Variants in SLC23A2 observed in about 807,000 individuals in gnomAD.
SLC23A2 encodes the protein solute carrier family 23 member 2.
SLC23A2 carries 36 observed loss-of-function variants against 73.3 expected under a neutral mutation model. The observed-to-expected ratio is 0.49, with a 90% CI of 0.38 to 0.65. SLC23A2 has a LOEUF of 0.65. Among genes scored for constraint, SLC23A2 ranks in the 30% least tolerant of loss-of-function variants. SLC23A2 has a pLI of 0.00. For missense variants in SLC23A2, 507 were observed against 841.6 expected (o/e 0.60, Z 4.92); for synonymous variants, 343 against 327.3 (o/e 1.05, Z -0.52).
chr20:4,962,353 C>T (rs754542794), intron 2 of SLC23A2, among the ~76,000 whole-genome samples: 6 of 152,016 alleles, frequency 3.9e-5, no homozygotes, highest in Admixed American at 1.3e-4. Context: ...ATGGCAGCCA[C>T]GTGATTTCCT....
In SLC23A2 at chr20:4,902,914, G is replaced by A. The variant is rs938313303; in HGVS notation, c.208-356C>T. Among the ~76,000 whole-genome samples, 8 of 152,012 alleles carry A rather than the reference G, an allele frequency of 5.3e-5. No homozygotes were observed. The highest frequency in any genetic ancestry group is 1.5e-4 in the African/African-American group (6 of 41,370). On this transcript the variant is annotated intron_variant, in intron 4 of 16. Coordinates refer to ENST00000338244, the MANE Select transcript of SLC23A2 (RefSeq NM_005116.6). This position sits in a 1 kb window ranked among gnomAD's most constrained non-coding sequence, Gnocchi z 4.0. ...ATACCTTGGCACGAGCAGTCCTTGC[G>A]TGAGACCCCAGATGAAAAAAATCTT...
At chr20:4,939,601 C>T (rs185201324) in intron 2 of SLC23A2, among the ~76,000 whole-genome samples, 224 of 152,324 alleles carry the variant, frequency 1.5e-3, no homozygotes, top group Admixed American at 3.3e-3. Flanking sequence ...ACCATCTGGC[C>T]TGTTTCTGTT....
At chr20:4,876,940 T>C (rs910374092) in intron 9 of SLC23A2, among the ~76,000 whole-genome samples, 3 of 152,104 alleles carry the variant, frequency 2.0e-5, no homozygotes, top group African/African-American at 7.2e-5. Flanking sequence ...TCAGTATCTA[T>C]TTGCTTTTCC....
At chr20:4,869,077 T>C (rs940630895) in intron 12 of SLC23A2, 1 of 152,200 alleles carries the variant, frequency 6.6e-6, no homozygotes, top group Non-Finnish European at 1.5e-5. Context: ...GTCTGTCCGA[T>C]TGTGGCAGCC....
At chr20:4,972,560 T>G (rs978910958) in intron 1 of SLC23A2, among the ~76,000 whole-genome samples, 15 of 131,004 alleles carry the variant, frequency 1.1e-4, no homozygotes, top group Admixed American at 3.9e-4. Context: ...TGGGGGTTTT[T>G]GGGGGGTTTT....
At chr20:4,927,278 C>T (rs1045344508) in intron 3 of SLC23A2, among the ~76,000 whole-genome samples, 1 of 152,238 alleles carries the variant, frequency 6.6e-6, no homozygotes, top group African/African-American at 2.4e-5. Flanking sequence ...AAACCCAGAG[C>T]TGCCATGCTG....
chr20:4,890,211 C>T (rs187917922), intron 6 of SLC23A2, among the ~76,000 whole-genome samples: 4 of 152,236 alleles, frequency 2.6e-5, no homozygotes, highest in Admixed American at 2.6e-4. Context: ...GGTACAAAAC[C>T]CTGCATTGTC....
chr20:4,942,400 C>T (rs978446117), intron 2 of SLC23A2, among the ~76,000 whole-genome samples: 1 of 145,076 alleles, frequency 6.9e-6, no homozygotes, highest in Non-Finnish European at 1.5e-5. Flanking sequence ...AAAAAAGTCG[C>T]CTGGAAATAA....
rs535685665 is a variant in SLC23A2, at chr20:4,863,370, G to A, written c.1357-463C>T. 1.3e-5 allele frequency among the ~76,000 whole-genome samples: 2 copies of A among 152,330 alleles called. No homozygotes were observed. Among genetic ancestry groups the A allele is most frequent in the South Asian group, 4.1e-4 (2 of 4,834 alleles). On this transcript the variant is annotated intron_variant, in intron 13 of 16. Coordinates refer to ENST00000338244, the MANE Select transcript of SLC23A2 (RefSeq NM_005116.6). This position sits in a 1 kb window ranked among gnomAD's most constrained non-coding sequence, Gnocchi z 4.8. Reference sequence around the variant, plus strand: ...AGAGGTGGAAAAGAGAAGGGGCTACGGATGAGGACATCTGGAGCCTGACTG... The same window carrying A: ...AGAGGTGGAAAAGAGAAGGGGCTACAGATGAGGACATCTGGAGCCTGACTG...
At chr20:4,909,745 C>T (rs930533617) in intron 4 of SLC23A2, among the ~76,000 whole-genome samples, 4 of 151,982 alleles carry the variant, frequency 2.6e-5, no homozygotes, top group Admixed American at 6.6e-5. Flanking sequence ...TTAGTAGAGA[C>T]GGGGTTTCAC....
chr20:4,912,934 A>C lies in SLC23A2; in HGVS notation c.153T>G (p.Asn51Lys). 6.2e-7 allele frequency: 1 copy of C among 1,612,892 alleles called. No individual in the cohort carries two copies. The highest frequency in any genetic ancestry group is 8.5e-7 in the Non-Finnish European group (1 of 1,179,546). ...GGATSSGEQD[N>K]EDTELMAIYT... ...AGATCGCCATGAGCTCAGTGTCCTC[A>C]TTGTCCTGCTCACCGCTGGAGGTGG... Residue 51 changes from asparagine (N) to lysine (K), a missense_variant, in exon 4 of 17, where the codon AAT becomes AAG. Asn to Lys is a moderately conservative substitution (Grantham distance 94). Coordinates refer to ENST00000338244, the MANE Select transcript of SLC23A2 (RefSeq NM_005116.6).
At chr20:4,941,051 G>A (rs2087032516) in intron 2 of SLC23A2, among the ~76,000 whole-genome samples, 1 of 152,002 alleles carries the variant, frequency 6.6e-6, no homozygotes, top group Non-Finnish European at 1.5e-5. Flanking sequence ...AACTACTTAG[G>A]AGGCTGAGGC....
chr20:4,977,694 TC>T (rs201274505), intron 1 of SLC23A2, among the ~76,000 whole-genome samples: 7 of 125,792 alleles, frequency 5.6e-5, no homozygotes, highest in African/African-American at 2.2e-4. Flanking sequence ...CGAGACTCTG[TC>T]CCCAAAAAAA....
intron 1 of SLC23A2, among the ~76,000 whole-genome samples, chr20:5,007,659 A>G (rs2088205860): frequency 6.6e-6 from 1 of 152,136 alleles, no homozygotes; most frequent in African/African-American, 2.4e-5. Context: ...GAAACTCCAT[A>G]TCTATTAGCA....
In SLC23A2 at chr20:4,852,508, T is replaced by C. The variant is rs1408107821; in HGVS notation, c.*4464A>G. ...TAATGAAGCCATGTTAGAAAAACAA[T>C]ATGAAAATTCTTTTTAAAAACTCCA... is the stretch of plus-strand genomic sequence containing the variant. On this transcript the variant is annotated 3_prime_UTR_variant, in exon 17 of 17. Coordinates refer to ENST00000338244, the MANE Select transcript of SLC23A2 (RefSeq NM_005116.6). This position sits in a 1 kb window ranked among gnomAD's most constrained non-coding sequence, Gnocchi z 4.3. 3.9e-5 allele frequency: 6 copies of C among 152,516 alleles called. No homozygotes were observed. Among genetic ancestry groups the C allele is most frequent in the Admixed American group, 3.3e-4 (5 of 15,268 alleles). 9.4% of individuals were successfully genotyped at this position (152,516 alleles called of 1,614,324 possible).
chr20:4,908,183 T>C (rs896118658), intron 4 of SLC23A2, among the ~76,000 whole-genome samples: 3 of 152,232 alleles, frequency 2.0e-5, no homozygotes, highest in African/African-American at 7.2e-5. Flanking sequence ...ATTCCTGAGA[T>C]AATAGCAGCC....
At chr20:4,989,984 G>A (rs926854971) in intron 1 of SLC23A2, among the ~76,000 whole-genome samples, 6 of 151,986 alleles carry the variant, frequency 3.9e-5, no homozygotes, top group African/African-American at 9.7e-5. Flanking sequence ...CCAACAGACC[G>A]CAGAAGAAAT....
At chr20:4,894,171 C>T (rs1298296205) in intron 6 of SLC23A2, among the ~76,000 whole-genome samples, 1 of 152,014 alleles carries the variant, frequency 6.6e-6, no homozygotes, top group African/African-American at 2.4e-5. Flanking sequence ...GGGGAAAACT[C>T]GGTAATGAAG....
rs1252771714 is a variant in SLC23A2 at position 4,854,910 on chromosome 20, A to G, written c.*2062T>C. 1 of 152,398 alleles carries G rather than the reference A, an allele frequency of 6.6e-6. No homozygotes were observed. The highest frequency in any genetic ancestry group is 2.4e-5 in the African/African-American group (1 of 41,418). 9.4% of individuals were successfully genotyped at this position (152,398 alleles called of 1,614,324 possible). On this transcript the variant is annotated 3_prime_UTR_variant, in exon 17 of 17. Coordinates refer to ENST00000338244, the MANE Select transcript of SLC23A2 (RefSeq NM_005116.6). ...TCTGGGATGTTTAGCAGTTTTCCCC[A>G]TTTTTCAGAGCAGAGAAACTGGAGA...
Sources: allele counts gnomAD v4.1 joint callset (sites outside exome capture counted in the v4.1 genomes callset), GRCh38; gene constraint gnomAD v4.1.1; non-coding constraint Gnocchi (gnomAD v3.1); transcripts MANE v1.5; gene names NCBI Gene and HGNC (gene_info 2026-07-23, HGNC 2026-07-21).